C1QTNF3: variants seen among roughly 807,000 people sequenced by gnomAD.
The protein encoded by C1QTNF3 is C1q and TNF related 3.
Under a neutral mutation model 32.6 loss-of-function variants are expected in C1QTNF3, and 26 were observed. That is an observed-to-expected ratio of 0.80 (90% CI 0.58 to 1.11). The LOEUF is 1.11. Among genes scored for constraint, C1QTNF3 ranks in the 50% least tolerant of loss-of-function variants. The pLI is 0.00. For synonymous variants in C1QTNF3, 155 were observed against 146.0 expected (o/e 1.06, Z -0.44); for missense variants, 362 against 398.2 (o/e 0.91, Z 0.77).
At chr5:34,144,180 T>C in the C1QTNF3 span, among the ~76,000 whole-genome samples, 1 of 152,208 alleles carries the variant, frequency 6.6e-6, no homozygotes, top group African/African-American at 2.4e-5. Flanking sequence ...AGGCATTACG[T>C]AATGATAAAG....
the C1QTNF3 span, among the ~76,000 whole-genome samples, chr5:34,236,866 G>A: frequency 2.0e-5 from 3 of 151,890 alleles, no homozygotes; most frequent in Non-Finnish European, 4.4e-5. Context: ...ATGAGCCACC[G>A]CACCCAGCCA....
At chr5:34,142,972 G>A in the C1QTNF3 span, among the ~76,000 whole-genome samples, 1 of 152,196 alleles carries the variant, frequency 6.6e-6, no homozygotes, top group African/African-American at 2.4e-5. Context: ...TTCAGAATTT[G>A]TATAGCAAGA....
the C1QTNF3 span, among the ~76,000 whole-genome samples, chr5:34,051,319 T>C: frequency 6.6e-6 from 1 of 152,216 alleles, no homozygotes; most frequent in African/African-American, 2.4e-5. Flanking sequence ...TTTACACCTT[T>C]GAGGTGGTTC....
chr5:34,233,018 T>C, the C1QTNF3 span, among the ~76,000 whole-genome samples: 1 of 150,006 alleles, frequency 6.7e-6, no homozygotes, highest in African/African-American at 2.4e-5. Flanking sequence ...TCAGCCCAAA[T>C]AGTATTCAGT....
the C1QTNF3 span, among the ~76,000 whole-genome samples, chr5:34,051,764 T>C: frequency 1.2e-4 from 19 of 152,352 alleles, no homozygotes; most frequent in South Asian, 3.1e-3. Context: ...TCCAGTTAAA[T>C]TGGGGCCAGC....
the C1QTNF3 span, among the ~76,000 whole-genome samples, chr5:34,219,443 G>A: frequency 1.3e-5 from 2 of 151,516 alleles, no homozygotes; most frequent in Non-Finnish European, 2.9e-5. Context: ...AAAAAAAACT[G>A]TGTTACAGGG....
chr5:34,196,827 T>C, the C1QTNF3 span, among the ~76,000 whole-genome samples: 3 of 39,468 alleles, frequency 7.6e-5, no homozygotes, highest in African/African-American at 1.7e-4. Flanking sequence ...GCCCGGCTAA[T>C]TTTTTTGTAT....
At chr5:34,168,567 G>T in the C1QTNF3 span, 1 of 151,602 alleles carries the variant, frequency 6.6e-6, no homozygotes, top group Non-Finnish European at 1.5e-5. Context: ...GGCCAATGGA[G>T]AGTTATCAAG....
chr5:34,163,599 T>C, the C1QTNF3 span, among the ~76,000 whole-genome samples: 10 of 152,078 alleles, frequency 6.6e-5, no homozygotes, highest in Non-Finnish European at 1.3e-4. Context: ...ATATATGTTG[T>C]TGATTATCAT....
chr5:34,022,169 T>C (rs1235462567), intron 5 of C1QTNF3, among the ~76,000 whole-genome samples: 3 of 152,112 alleles, frequency 2.0e-5, no homozygotes, highest in Non-Finnish European at 4.4e-5. Flanking sequence ...ATTTAACAAA[T>C]GAAGTAAAAG....
chr5:34,109,256 C>A, the C1QTNF3 span, among the ~76,000 whole-genome samples: 1 of 146,954 alleles, frequency 6.8e-6, no homozygotes, highest in Non-Finnish European at 1.5e-5. Context: ...GATTTTTAAA[C>A]TCCAACCTCC....
chr5:34,200,933 T>C, the C1QTNF3 span: 8 of 151,870 alleles, frequency 5.3e-5, no homozygotes, highest in Admixed American at 5.2e-4. Context: ...TACAGCCAAA[T>C]CAGAAGACCA....
the C1QTNF3 span, among the ~76,000 whole-genome samples, chr5:34,083,333 T>G: frequency 6.6e-6 from 1 of 151,646 alleles, no homozygotes; most frequent in Non-Finnish European, 1.5e-5. Flanking sequence ...AAGACTAAAT[T>G]AAAAACTACA....
the C1QTNF3 span, among the ~76,000 whole-genome samples, chr5:34,128,115 T>G: frequency 6.6e-6 from 1 of 152,314 alleles, no homozygotes; most frequent in Admixed American, 6.5e-5. Context: ...TGAAGACCTG[T>G]GTCCCAGCAG....
intron 4 of C1QTNF3, among the ~76,000 whole-genome samples, chr5:34,025,717 G>C (rs1400035973): frequency 6.6e-6 from 1 of 152,170 alleles, no homozygotes; most frequent in East Asian, 1.9e-4. Context: ...GCCCAAGAGA[G>C]CTCTAAAAAA....
At chr5:34,120,769 G>T in the C1QTNF3 span, among the ~76,000 whole-genome samples, 50 of 152,266 alleles carry the variant, frequency 3.3e-4, no homozygotes, top group African/African-American at 1.2e-3. Flanking sequence ...CCAGCCACGT[G>T]GAACCGTGAG....
At chr5:34,043,235 G>T, upstream of C1QTNF3, 1 of 1,195,752 alleles carries the variant, frequency 8.4e-7, no homozygotes, top group Non-Finnish European at 1.2e-6. Context: ...CGGCGGAGTG[G>T]TTTTATACTT....
the C1QTNF3 span, among the ~76,000 whole-genome samples, chr5:34,162,715 A>G: frequency 6.6e-6 from 1 of 152,192 alleles, no homozygotes. Context: ...GGTTTATCTG[A>G]GCAGGGTAAG....
chr5:34,028,683 T>G (rs1341330692), intron 4 of C1QTNF3, 71 bp downstream of exon 4: 40 of 1,356,134 alleles, frequency 2.9e-5, no homozygotes, highest in Non-Finnish European at 3.8e-5. Context: ...CCTCTCTTCT[T>G]TCCTTCCTTC....
Sources: gnomAD v4.1 joint callset for allele counts (sites outside exome capture counted in the v4.1 genomes callset) on GRCh38, gnomAD v4.1.1 for gene constraint, MANE v1.5 for transcripts, NCBI Gene and HGNC (gene_info 2026-07-23, HGNC 2026-07-21) for gene names.